FCGRT: variants seen among roughly 807,000 people sequenced by gnomAD.
FCGRT encodes the protein Fc gamma receptor and transporter, also known as IgG receptor FcRn large subunit p51.
In FCGRT, 13 loss-of-function variants were observed where a neutral mutation model predicts 35.7. The ratio of observed to expected loss-of-function variants is 0.36; its 90% CI spans 0.24 to 0.58. The LOEUF (loss-of-function observed/expected upper bound fraction) is 0.58. FCGRT is among the 20% of genes least tolerant of loss of function. The pLI is 0.77. For missense variants in FCGRT, 455 were observed against 474.9 expected (o/e 0.96, Z 0.39); for synonymous variants, 233 against 216.5 (o/e 1.08, Z -0.67).
At chr19:49,518,260 C>T (rs1206580876) in intron 4 of FCGRT, among the ~76,000 whole-genome samples, 1 of 152,028 alleles carries the variant, frequency 6.6e-6, no homozygotes, top group African/African-American at 2.4e-5. Flanking sequence ...ATATTCCTGA[C>T]TGTAAATGTT....
At chr19:49,523,584 G>A (rs564198687) in intron 4 of FCGRT, among the ~76,000 whole-genome samples, 75 of 149,136 alleles carry the variant, frequency 5.0e-4, no homozygotes, top group African/African-American at 1.9e-3. Flanking sequence ...CAAAAGGCTA[G>A]GCGTGGTGGC....
At chr19:49,519,440 T>C (rs1438711291) in intron 4 of FCGRT, among the ~76,000 whole-genome samples, 1 of 152,166 alleles carries the variant, frequency 6.6e-6, no homozygotes, top group African/African-American at 2.4e-5. Flanking sequence ...CTTGTGATCT[T>C]GAGTGTCTTT....
chr19:49,513,320 C>A, intron 1 of FCGRT, 67 bp from the exon 2 acceptor site: 1 of 789,952 alleles, frequency 1.3e-6, no homozygotes, highest in Non-Finnish European at 1.7e-6. Context: ...CGGCCGTGCC[C>A]GCGGTGTCCC....
chr19:49,524,971 T>C, intron 5 of FCGRT, 195 bp downstream of exon 5: 1 of 699,960 alleles, frequency 1.4e-6, no homozygotes, highest in South Asian at 1.5e-5. Flanking sequence ...TTCCGTCTCC[T>C]GCTGCTTCTG....
rs2079990870 is a variant in FCGRT, at chr19:49,514,033, C to G, written c.225C>G (p.Val75=). Residue 75 remains valine (V), a synonymous_variant, in exon 3 of 7, where the codon GTC becomes GTG. Coordinates refer to ENST00000221466, the MANE Select transcript of FCGRT (RefSeq NM_001136019.3). ...RGEAEPCGAW[V]WENQVSWYWE... ...AGGCGGAGCCCTGTGGAGCTTGGGT[C>G]TGGGAAAACCAGGTGTCCTGGTATT... 2.5e-6 allele frequency: 4 copies of G among 1,612,150 alleles called. No individual in the cohort carries two copies. In the African/African-American group the frequency reaches 4.0e-5, roughly 16 times the overall value.
At chr19:49,513,538 A>G in intron 2 of FCGRT, 65 bp downstream of exon 2, 16 of 987,172 alleles carry the variant, frequency 1.6e-5, no homozygotes, top group Non-Finnish European at 2.1e-5. Context: ...CCAGGCAGGC[A>G]GGGGCGAAGC....
chr19:49,513,739 C>CA (rs928340796), intron 2 of FCGRT, 143 bp from the exon 3 acceptor site: 10 of 69,816 alleles, frequency 1.4e-4, no homozygotes, highest in African/African-American at 1.3e-4. Flanking sequence ...GGTCTCTGTC[C>CA]CCCCCCCCCC....
At chr19:49,522,284 T>C (rs572185487) in intron 4 of FCGRT, among the ~76,000 whole-genome samples, 149 of 151,992 alleles carry the variant, frequency 9.8e-4, no homozygotes, top group African/African-American at 3.5e-3. Flanking sequence ...TCTTACTGTT[T>C]GCCCAGGCTG....
chr19:49,513,805 T>C (rs2079989282), intron 2 of FCGRT, 77 bp from the exon 3 acceptor site: 1 of 1,051,262 alleles, frequency 9.5e-7, no homozygotes, highest in Non-Finnish European at 1.3e-6. Context: ...TAGATTCTTC[T>C]CCCTCCCTGG....
intron 6 of FCGRT, 84 bp from the exon 7 acceptor site, chr19:49,525,926 G>C (rs566823672): frequency 2.4e-6 from 2 of 841,076 alleles, no homozygotes; most frequent in South Asian, 1.3e-5. Flanking sequence ...GAGTGTGTGA[G>C]ACACACACAC....
chr19:49,524,605 C>T lies in FCGRT; in HGVS notation c.700C>T (p.Arg234Trp), dbSNP rs767260789. Residue 234 changes from arginine to tryptophan, a missense_variant, in exon 5 of 7, where the codon CGG becomes TGG. Physicochemically the swap from Arg to Trp is moderately radical, Grantham distance 101. Transcript: ENST00000221466. Reference protein sequence around the residue: ...FSFYPPELQLRFLRNGLAAGT... With the variant: ...FSFYPPELQLWFLRNGLAAGT... ...CTTCTACCCTCCGGAGCTGCAACTT[C>T]GGTTCCTGCGGAATGGGCTGGCCGC... 5.0e-6 allele frequency: 8 copies of T among 1,611,616 alleles called. No individual in the cohort carries two copies. The highest frequency in any genetic ancestry group is 5.1e-6 in the Non-Finnish European group (6 of 1,180,026).
Position 49,513,748 on chromosome 19 carries a change from C to CCCCCG in FCGRT, c.74-133_74-132insCCCGC. The CCCCCG allele has an allele frequency of 6.5e-6, 2 of 308,832 alleles. 1 individual carries two copies. Among genetic ancestry groups the CCCCCG allele is most frequent in the Admixed American group, 8.3e-5 (2 of 23,956 alleles). The allele number at this position is 308,832 out of a possible 1,614,324, so 19.1% of individuals were successfully genotyped here. A position where few individuals can be genotyped will look rare whatever the true frequency, so the allele number is the denominator to read the frequency against. On this transcript the variant is annotated intron_variant, in intron 2 of 6. Coordinates refer to ENST00000221466, the MANE Select transcript of FCGRT (RefSeq NM_001136019.3). ...TCTCTGGGTCTCTGTCCCCCCCCCC[C>CCCCCG]CGGGTTTCTGTCCCCTCTCTCTGAA...
In FCGRT at chr19:49,525,929, A is replaced by G. The variant is rs527908896; in HGVS notation, c.989-81A>G. On this transcript the variant is annotated intron_variant, in intron 6 of 6. Coordinates refer to ENST00000221466, the MANE Select transcript of FCGRT (RefSeq NM_001136019.3). ...GAGACTGAGGAAGAGTGTGTGAGAC[A>G]CACACACAAATGGGGGACGCCAGTC... 3 of 850,076 alleles carry G rather than the reference A, an allele frequency of 3.5e-6. No homozygotes were observed. In the South Asian group the frequency reaches 3.9e-5, roughly 11 times the overall value. 52.7% of individuals were successfully genotyped at this position (850,076 alleles called of 1,614,324 possible).
chr19:49,522,451 TGA>T (rs1289432190), intron 4 of FCGRT, among the ~76,000 whole-genome samples: 1 of 149,404 alleles, frequency 6.7e-6, no homozygotes, highest in Non-Finnish European at 1.5e-5. Context: ...TTATTTTTTT[TGA>T]GACAGTCTTG....
intron 4 of FCGRT, among the ~76,000 whole-genome samples, chr19:49,524,013 CTTTTTT>C (rs200152928): frequency 6.9e-6 from 1 of 144,704 alleles, no homozygotes; most frequent in Non-Finnish European, 1.5e-5. Flanking sequence ...TATCCTCTAT[CTTTTTT>C]TTTTTTTCTT....
intron 4 of FCGRT, among the ~76,000 whole-genome samples, chr19:49,522,905 G>A (rs866218887): frequency 1.3e-5 from 2 of 149,642 alleles, no homozygotes; most frequent in Admixed American, 6.8e-5. Context: ...AGCCTCCCAA[G>A]TGGCTGGGAC....
intron 5 of FCGRT, 171 bp from the exon 6 acceptor site, chr19:49,525,286 C>G: frequency 1.5e-6 from 1 of 651,176 alleles, no homozygotes; most frequent in Non-Finnish European, 2.8e-6. Flanking sequence ...GTTCTTACGT[C>G]CAACCTGGGG....
At position 49,524,737 on chromosome 19, in the gene FCGRT, C is replaced by T; in HGVS notation, c.832C>T (p.Gln278Ter). 4 of 1,601,688 alleles carry T rather than the reference C, an allele frequency of 2.5e-6. No homozygotes were observed. The highest frequency in any genetic ancestry group is 1.1e-5 in the South Asian group (1 of 91,056). ...GDEHHYCCIV[Q>*]HAGLAQPLRV... is the part of the protein sequence containing the mutation. ...TGAGCACCACTACTGCTGCATTGTG[C>T]AGCACGCGGGGCTGGCGCAGCCCCT... The change falls in exon 5 of 7, where the codon CAG becomes TAG. Residue 278 changes from glutamine to a stop codon, truncating the protein, a stop_gained. Coordinates refer to ENST00000221466, the MANE Select transcript of FCGRT (RefSeq NM_001136019.3). LOFTEE classifies it high-confidence loss of function.
intron 4 of FCGRT, among the ~76,000 whole-genome samples, chr19:49,523,632 G>A (rs975421771): frequency 3.3e-5 from 5 of 151,460 alleles, no homozygotes; most frequent in African/African-American, 7.3e-5. Flanking sequence ...AGGCCCAGGC[G>A]GATGGATCAT....
Sources: gnomAD v4.1 joint callset for allele counts (sites outside exome capture counted in the v4.1 genomes callset) on GRCh38, gnomAD v4.1.1 for gene constraint, MANE v1.5 for transcripts, NCBI Gene and HGNC (gene_info 2026-07-23, HGNC 2026-07-21) for gene names.